The following INPP5B variants were observed in gnomAD, a reference collection of about 807,000 sequenced individuals.
INPP5B encodes the protein inositol polyphosphate-5-phosphatase B, also known as type II inositol 1,4,5-trisphosphate 5-phosphatase.
Under a neutral mutation model 118.5 loss-of-function variants are expected in INPP5B, and 90 were observed. The observed-to-expected ratio is 0.76, with a 90% CI of 0.64 to 0.90. The LOEUF (loss-of-function observed/expected upper bound fraction) is 0.90. INPP5B is among the 40% of genes least tolerant of loss of function. The pLI, the probability that INPP5B is intolerant of heterozygous loss-of-function variation, is 0.00. For synonymous variants in INPP5B, 385 were observed against 418.9 expected, an observed-to-expected ratio of 0.92 and a Z score of 0.99; for missense variants, 984 against 1,125.6, an observed-to-expected ratio of 0.87 and a Z score of 1.80.
At chr1:37,886,804 G>A (rs538693125) in intron 12 of INPP5B, 84 bp downstream of exon 12, 11 of 934,544 alleles carry the variant, frequency 1.2e-5, no homozygotes, top group East Asian at 9.6e-5. Context: ...ACTGGGACAC[G>A]TGTAGTCACT....
At chr1:37,899,256 G>A (rs1644240179) in intron 7 of INPP5B, among the ~76,000 whole-genome samples, 1 of 151,464 alleles carries the variant, frequency 6.6e-6, no homozygotes. Context: ...GTGTTCCATG[G>A]GGGTCCTGAT....
At chr1:37,906,667 C>T (rs1338495760) in intron 7 of INPP5B, among the ~76,000 whole-genome samples, 1 of 151,788 alleles carries the variant, frequency 6.6e-6, no homozygotes, top group Non-Finnish European at 1.5e-5. Context: ...ACCAGCCTGA[C>T]CAACATGGTG....
chr1:37,932,142 G>A (rs1645505414), intron 6 of INPP5B, 89 bp from the exon 7 acceptor site: 1 of 1,330,534 alleles, frequency 7.5e-7, no homozygotes, highest in Non-Finnish European at 9.9e-7. Context: ...CTCCGGCCCT[G>A]TTTCTCCCGC....
Position 37,862,075 on chromosome 1 carries a change from ATAAC to A in INPP5B, c.*236_*239del, listed in dbSNP as rs1641731948. On this transcript the variant is annotated 3_prime_UTR_variant, in exon 24 of 24. Coordinates refer to ENST00000373024, the MANE Select transcript of INPP5B (RefSeq NM_005540.3). ...TAAAAAATAAAAAAATCTGTGTTAA[ATAAC>A]TAAAGTTGAAAATTGAATGTCAGTT... 2.3e-6 allele frequency: 1 copy of A among 441,990 alleles called. No homozygotes were observed. Among genetic ancestry groups the A allele is most frequent in the Non-Finnish European group, 4.0e-6 (1 of 250,160 alleles). 27.4% of individuals were successfully genotyped at this position (441,990 alleles called of 1,614,324 possible).
chr1:37,896,344 C>T (rs1426067535), intron 7 of INPP5B, among the ~76,000 whole-genome samples: 17 of 149,506 alleles, frequency 1.1e-4, no homozygotes, highest in African/African-American at 3.7e-4. Context: ...AAGTGAGGAG[C>T]CCCTCCGCCC....
chr1:37,895,404 G>C (rs1325527602), intron 7 of INPP5B, among the ~76,000 whole-genome samples: 3 of 152,170 alleles, frequency 2.0e-5, no homozygotes, highest in Admixed American at 2.0e-4. Flanking sequence ...TGAGGCAGGA[G>C]GACTGCTTGA....
intron 13 of INPP5B, chr1:37,883,889 T>C (rs1001078011): frequency 2.1e-6 from 2 of 974,788 alleles, no homozygotes; most frequent in Non-Finnish European, 2.4e-6. Flanking sequence ...AAGTGGCGTA[T>C]GTTATCATAA....
chr1:37,930,836 T>C (rs1047361815), intron 7 of INPP5B: 2 of 152,254 alleles, frequency 1.3e-5, no homozygotes, highest in African/African-American at 2.4e-5. Flanking sequence ...ACACAGCTAC[T>C]TGACAGGCTC....
At chr1:37,943,609 G>T in intron 5 of INPP5B, 31 bp downstream of exon 5, 1 of 1,612,740 alleles carries the variant, frequency 6.2e-7, no homozygotes, top group Non-Finnish European at 8.5e-7. Context: ...CCCCTGCCCC[G>T]AGTGGGACCC....
intron 6 of INPP5B, among the ~76,000 whole-genome samples, chr1:37,938,046 G>A (rs1645764996): frequency 6.6e-6 from 1 of 150,940 alleles, no homozygotes; most frequent in African/African-American, 2.4e-5. Context: ...GCCGAGGTGG[G>A]TGGATCACGA....
intron 7 of INPP5B, among the ~76,000 whole-genome samples, chr1:37,908,387 G>T (rs9725958): frequency 4.3e-4 from 66 of 152,098 alleles, no homozygotes; most frequent in African/African-American, 1.5e-3. Flanking sequence ...TTCCTCTCTT[G>T]CTACCCTTCA....
At chr1:37,924,629 A>C (rs1336870315) in intron 7 of INPP5B, among the ~76,000 whole-genome samples, 1 of 151,318 alleles carries the variant, frequency 6.6e-6, no homozygotes, top group Non-Finnish European at 1.5e-5. Context: ...CAAAGAGGTC[A>C]AGCGCGGTGG....
At chr1:37,931,408 G>C in intron 7 of INPP5B, 1 of 1,488,548 alleles carries the variant, frequency 6.7e-7, no homozygotes. Context: ...AGGTCACACA[G>C]CGAGTTCGGA....
chr1:37,936,554 G>A (rs893880191), intron 6 of INPP5B, among the ~76,000 whole-genome samples: 3 of 151,992 alleles, frequency 2.0e-5, no homozygotes, highest in Non-Finnish European at 4.4e-5. Flanking sequence ...CCGGGAGGTG[G>A]AGGTTGTAGT....
chr1:37,865,138 G>C (rs756840177), intron 22 of INPP5B, among the ~76,000 whole-genome samples: 2 of 151,872 alleles, frequency 1.3e-5, no homozygotes, highest in East Asian at 3.9e-4. Flanking sequence ...AGCTGAGATC[G>C]CGCCAATGCA....
chr1:37,869,037 G>A (rs746090929), intron 19 of INPP5B, among the ~76,000 whole-genome samples: 7 of 152,020 alleles, frequency 4.6e-5, no homozygotes, highest in South Asian at 2.1e-4. Context: ...CTGTCACCCA[G>A]GCTGGAGTGC....
chr1:37,888,436 CTG>C, intron 9 of INPP5B, 92 bp from the exon 10 acceptor site: 1 of 728,652 alleles, frequency 1.4e-6, no homozygotes, highest in South Asian at 2.7e-5. Flanking sequence ...GTTTCCGTCT[CTG>C]TGGACTGGCA....
chr1:37,866,770 T>A (rs1642074833), intron 20 of INPP5B, among the ~76,000 whole-genome samples: 1 of 152,088 alleles, frequency 6.6e-6, no homozygotes, highest in Non-Finnish European at 1.5e-5. Flanking sequence ...AAACTATGGG[T>A]AGGGCACACA....
At chr1:37,914,747 A>G (rs1321198949) in intron 7 of INPP5B, among the ~76,000 whole-genome samples, 1 of 152,190 alleles carries the variant, frequency 6.6e-6, no homozygotes, top group Non-Finnish European at 1.5e-5. Context: ...TTCCATTATG[A>G]TAATGGGATC....
Sources: gnomAD v4.1 joint callset for allele counts (sites outside exome capture counted in the v4.1 genomes callset) on GRCh38, gnomAD v4.1.1 for gene constraint, MANE v1.5 for transcripts, NCBI Gene and HGNC (gene_info 2026-07-23, HGNC 2026-07-21) for gene names.